The following SYAP1 variants were observed in gnomAD, a reference collection of about 807,000 sequenced individuals.
SYAP1 encodes the protein synapse-associated protein 1.
SYAP1 carries 3 observed loss-of-function variants against 29.6 expected under a neutral mutation model. That is an observed-to-expected ratio of 0.10 (90% confidence interval 0.05 to 0.26). The LOEUF is 0.26. Among genes scored for constraint, SYAP1 ranks in the 10% least tolerant of loss-of-function variants. The pLI, the probability that SYAP1 is intolerant of heterozygous loss-of-function variation, is 1.00. For synonymous variants in SYAP1, 102 were observed against 102.7 expected, an observed-to-expected ratio of 0.99 and a Z score of 0.04; for missense variants, 217 against 264.1, an observed-to-expected ratio of 0.82 and a Z score of 1.24.
chrX:16,735,013 A>AC (rs1251386426), intron 1 of SYAP1, among the ~76,000 whole-genome samples: 11 of 106,503 alleles, frequency 1.0e-4, no homozygotes, highest in Non-Finnish European at 2.1e-4. Flanking sequence ...AAAAAAAAAA[A>AC]AAAAAAAAAC....
chrX:16,736,047 G>C (rs1926321240), intron 2 of SYAP1, 119 bp from the exon 3 acceptor site: 1 of 496,200 alleles, frequency 2.0e-6, no homozygotes, highest in Non-Finnish European at 3.5e-6. Context: ...GAGTGAGTTT[G>C]TTTTTTGCAG....
intron 8 of SYAP1, among the ~76,000 whole-genome samples, chrX:16,758,319 A>T (rs1926897322): frequency 9.2e-6 from 1 of 108,907 alleles, no homozygotes; most frequent in African/African-American, 3.4e-5. Flanking sequence ...TGCTAGTATT[A>T]TAGGTATGTG....
intron 5 of SYAP1, among the ~76,000 whole-genome samples, chrX:16,746,386 G>A (rs1455334128): frequency 3.7e-5 from 4 of 108,103 alleles, no homozygotes; most frequent in Non-Finnish European, 5.7e-5. Context: ...ACAAGCGCCC[G>A]CCACCACACC....
intron 4 of SYAP1, among the ~76,000 whole-genome samples, chrX:16,742,451 C>G (rs549159289): frequency 9.0e-6 from 1 of 110,765 alleles, no homozygotes; most frequent in Middle Eastern, 4.6e-3. Context: ...CACACTCAGC[C>G]TAATTTTTGT....
intron 5 of SYAP1, among the ~76,000 whole-genome samples, chrX:16,750,330 C>T (rs1926702764): frequency 9.0e-6 from 1 of 111,722 alleles, no homozygotes; most frequent in African/African-American, 3.3e-5. Flanking sequence ...GCCCAATATC[C>T]CTCTTGCCGA....
intron 1 of SYAP1, among the ~76,000 whole-genome samples, chrX:16,721,517 A>C (rs1925959639): frequency 9.3e-6 from 1 of 108,052 alleles, no homozygotes; most frequent in Non-Finnish European, 1.9e-5. Context: ...AAACCATGAC[A>C]GTGTATAATC....
At chrX:16,753,789 C>A (rs1175490163) in intron 5 of SYAP1, among the ~76,000 whole-genome samples, 1 of 111,349 alleles carries the variant, frequency 9.0e-6, no homozygotes, top group Non-Finnish European at 1.9e-5. Flanking sequence ...TTTTCCCTTT[C>A]CATGTTTGTA....
intron 1 of SYAP1, among the ~76,000 whole-genome samples, chrX:16,722,529 C>CA (rs753851782): frequency 0.013 from 877 of 65,849 alleles, 16 homozygotes; most frequent in African/African-American, 0.042. Flanking sequence ...CTGCATCTCA[C>CA]AAAAAAAAAA....
At chrX:16,745,244 T>A (rs1247023536) in intron 5 of SYAP1, among the ~76,000 whole-genome samples, 1 of 111,695 alleles carries the variant, frequency 9.0e-6, no homozygotes, top group Non-Finnish European at 1.9e-5. Context: ...AGGCAGACTA[T>A]CCCTTGACCC....
chrX:16,749,843 G>T (rs963514671), intron 5 of SYAP1, among the ~76,000 whole-genome samples: 1 of 107,494 alleles, frequency 9.3e-6, no homozygotes, highest in Non-Finnish European at 1.9e-5. Context: ...CACAGGAGGC[G>T]GAGGTTACAG....
intron 1 of SYAP1, among the ~76,000 whole-genome samples, chrX:16,723,836 C>T (rs1043099893): frequency 1.8e-5 from 2 of 111,428 alleles, no homozygotes; most frequent in African/African-American, 6.5e-5. Flanking sequence ...CCTTTCAGTT[C>T]TTCAAGCCCT....
chrX:16,758,298 G>C (rs1199097220), intron 8 of SYAP1, among the ~76,000 whole-genome samples: 1 of 109,300 alleles, frequency 9.1e-6, no homozygotes, highest in African/African-American at 3.3e-5. Context: ...TGCCACCTCA[G>C]TGTCTCTAAG....
chrX:16,723,955 T>G (rs1223643221), intron 1 of SYAP1, among the ~76,000 whole-genome samples: 1 of 111,956 alleles, frequency 8.9e-6, no homozygotes, highest in African/African-American at 3.3e-5. Flanking sequence ...CTGTCTTTAT[T>G]GTTATATCAT....
chrX:16,742,143 G>GTTTTTTTTTTTTTTT lies in SYAP1; in HGVS notation c.435+366_435+380dup, dbSNP rs144175479. Among the ~76,000 whole-genome samples the GTTTTTTTTTTTTTTT allele has an allele frequency of 1.5e-3, 64 of 41,863 alleles. 9 individuals are homozygous for GTTTTTTTTTTTTTTT. Among genetic ancestry groups the GTTTTTTTTTTTTTTT allele is most frequent in the African/African-American group, 8.2e-3 (62 of 7,531 alleles). 36.4% of individuals were successfully genotyped at this position (41,863 alleles called of 115,157 possible). A position where few individuals can be genotyped will look rare whatever the true frequency, so the allele number is the denominator to read the frequency against. On this transcript the variant is annotated intron_variant, in intron 4 of 8. Transcript: ENST00000380155. Reference sequence around the variant, plus strand: ...ACCATGCCCAGCTAATTTTTGTGTGGTTTTTTTTTTTTTTTTTTTTTTTTT... The same window carrying GTTTTTTTTTTTTTTT: ...ACCATGCCCAGCTAATTTTTGTGTGGTTTTTTTTTTTTTTTTTTTTTTTTTTTTTTTTTTTTTTTT...
chrX:16,734,518 A>T (rs1926280631), intron 1 of SYAP1, among the ~76,000 whole-genome samples: 1 of 111,075 alleles, frequency 9.0e-6, no homozygotes, highest in Non-Finnish European at 1.9e-5. Flanking sequence ...TTTGAACAGG[A>T]GGGAAGGAGG....
In SYAP1 at chrX:16,734,067, T is replaced by C. The variant is rs370923127; in HGVS notation, c.176-1160T>C. On this transcript the variant is annotated intron_variant, in intron 1 of 8. Coordinates refer to ENST00000380155, the MANE Select transcript of SYAP1 (RefSeq NM_032796.4). The stretch of plus-strand genomic sequence containing the variant: ...TCCACTTTTAATCTTGTTCTACTTA[T>C]TTGCTCATTATTATTAAGAATGATT... 1.3e-4 allele frequency among the ~76,000 whole-genome samples: 14 copies of C among 111,486 alleles called. No homozygotes were observed. The East Asian group carries it at 3.4e-3, about 27-fold the overall frequency.
intron 5 of SYAP1, among the ~76,000 whole-genome samples, chrX:16,749,084 A>G (rs960213238): frequency 2.8e-5 from 3 of 106,166 alleles, no homozygotes; most frequent in Non-Finnish European, 5.8e-5. Context: ...AAGACAAGGT[A>G]TCTCTCTGTT....
At position 16,719,718 on chromosome X, in the gene SYAP1, G is replaced by A; in HGVS notation, c.-7G>A. ...GATCGGGACCGCGGCGGCGGCCCGC[G>A]AGCGGGATGTTCCGGGGCTTGAGCA... On this transcript the variant is annotated 5_prime_UTR_variant, in exon 1 of 9. Transcript: ENST00000380155. 2 of 1,204,359 alleles carry A rather than the reference G, an allele frequency of 1.7e-6. No homozygotes were observed. Among genetic ancestry groups the A allele is most frequent in the Non-Finnish European group, 2.2e-6 (2 of 892,811 alleles).
At position 16,764,776 on chromosome X, in the gene SYAP1, C is replaced by G. The variant is rs1232985154; in HGVS notation, c.*4417C>G. On this transcript the variant is annotated 3_prime_UTR_variant, in exon 9 of 9. Transcript: ENST00000380155. ...GTGGTGGGATCTCAGCTCACTGCAG[C>G]CTCCGCCTCCCAGGCTTAAGGGATC... is the stretch of plus-strand genomic sequence containing the variant. 2.7e-5 allele frequency: 3 copies of G among 109,828 alleles called. No individual in the cohort carries two copies. Among genetic ancestry groups the G allele is most frequent in the African/African-American group, 1.0e-4 (3 of 30,119 alleles). 9.1% of individuals were successfully genotyped at this position (109,828 alleles called of 1,213,427 possible).
Sources: allele counts gnomAD v4.1 joint callset (sites outside exome capture counted in the v4.1 genomes callset), GRCh38; gene constraint gnomAD v4.1.1; transcripts MANE v1.5; gene names NCBI Gene and HGNC (gene_info 2026-07-23, HGNC 2026-07-21).